Variants in PERM1 observed in about 807,000 individuals in gnomAD.
The protein encoded by PERM1 is PPARGC1 and ESRR induced regulator, muscle 1.
PERM1 carries 45 observed loss-of-function variants against 44.1 expected under a neutral mutation model. The observed-to-expected ratio is 1.02, with a 90% CI of 0.80 to 1.31. The LOEUF is 1.31. PERM1 is among the 50% of genes most tolerant of loss of function. The pLI, the probability that PERM1 is intolerant of heterozygous loss-of-function variation, is 0.00. For synonymous variants in PERM1, 565 were observed against 477.1 expected, an observed-to-expected ratio of 1.18 and a Z score of -2.40; for missense variants, 1,189 against 1,106.9, an observed-to-expected ratio of 1.07 and a Z score of -1.05.
chr1:981,554 C>A (rs2100508541), upstream of PERM1, among the ~76,000 whole-genome samples: 1 of 152,364 alleles, frequency 6.6e-6, no homozygotes. Context: ...CAGCCGGCCA[C>A]AGGAAAGGTT....
intron 1 of PERM1, among the ~76,000 whole-genome samples, chr1:978,263 C>T (rs1019691749): frequency 2.6e-5 from 4 of 151,088 alleles, no homozygotes; most frequent in African/African-American, 9.8e-5. Context: ...ATACATCCAT[C>T]ATGGGACATG....
exon 1 of PERM1, chr1:979,013 C>G: frequency 1.3e-6 from 2 of 1,532,984 alleles, no homozygotes; most frequent in Non-Finnish European, 8.8e-7. Context: ...GGCCCCAGCA[C>G]GCCCTCAAGC....
rs939990852 is a variant in PERM1 at position 976,487 on chromosome 1, A to G, written c.2275+12T>C. On this transcript the variant is annotated intron_variant, in intron 2 of 2. Coordinates refer to ENST00000433179, the Ensembl canonical transcript of PERM1. Reference sequence around the variant, plus strand: ...TCTAGGCGCAGCTCCCTCTGCCCCCAGGCACCCAAACCTGTTTTCCAGGCG... The same window carrying G: ...TCTAGGCGCAGCTCCCTCTGCCCCCGGGCACCCAAACCTGTTTTCCAGGCG... 2 of 1,549,312 alleles carry G rather than the reference A, an allele frequency of 1.3e-6. No homozygotes were observed. Among genetic ancestry groups the G allele is most frequent in the Non-Finnish European group, 8.7e-7 (1 of 1,146,392 alleles).
At chr1:976,170 T>C (rs763618408) in exon 3 of PERM1, 2 of 1,546,306 alleles carry the variant, frequency 1.3e-6, no homozygotes, top group Admixed American at 2.0e-5. Context: ...CGGGCCTGGC[T>C]CCTAGGAGCT....
chr1:979,445 G>T, exon 1 of PERM1: 6 of 1,543,644 alleles, frequency 3.9e-6, no homozygotes, highest in Non-Finnish European at 5.2e-6. Flanking sequence ...GTTGCTGTCT[G>T]GGGGGCTGAG....
upstream of PERM1, among the ~76,000 whole-genome samples, chr1:981,469 T>C (rs1022801706): frequency 2.0e-5 from 3 of 152,226 alleles, no homozygotes; most frequent in East Asian, 1.9e-4. Context: ...GCAAAGCACC[T>C]TTCAGGGTCC....
Position 979,445 on chromosome 1 carries a change from G to A in PERM1, c.1585C>T (p.Gln529Ter). Reference sequence around the variant, plus strand: ...CCCCCGTGGGCCCCAGTTGCTGTCTGGGGGGCTGAGGGCCGGGCTGAGGCC... The same window carrying A: ...CCCCCGTGGGCCCCAGTTGCTGTCTAGGGGGCTGAGGGCCGGGCTGAGGCC... The change falls in exon 1 of 3, where the codon CAG becomes TAG. Residue 529 changes from glutamine (Q) to a stop codon, truncating the protein, a stop_gained. Coordinates refer to ENST00000433179, the Ensembl canonical transcript of PERM1. LOFTEE classifies it high-confidence loss of function. 3 of 1,543,644 alleles carry A rather than the reference G, an allele frequency of 1.9e-6. No homozygotes were observed. Among genetic ancestry groups the A allele is most frequent in the South Asian group, 1.2e-5 (1 of 83,238 alleles).
At chr1:979,134 C>T in exon 1 of PERM1, 2 of 1,550,044 alleles carry the variant, frequency 1.3e-6, no homozygotes, top group Non-Finnish European at 1.7e-6. Context: ...GCTCCGGGGA[C>T]CCCCGCCGCC....
At chr1:980,659 T>TGGCTGGGAG in exon 1 of PERM1, 1 of 1,431,244 alleles carries the variant, frequency 7.0e-7, no homozygotes, top group Non-Finnish European at 9.1e-7. Context: ...GGATGAGAAC[T>TGGCTGGGAG]GGCTGGGAGG....
At chr1:979,712 C>T (rs1006299276) in exon 1 of PERM1, 17 of 1,550,182 alleles carry the variant, frequency 1.1e-5, no homozygotes, top group Middle Eastern at 3.3e-4. Context: ...CCGCTGGACT[C>T]GGTCATCCTC....
At chr1:980,010 G>A (rs1275849579) in exon 1 of PERM1, 1 of 1,548,644 alleles carries the variant, frequency 6.5e-7, no homozygotes, top group African/African-American at 1.4e-5. Context: ...CCATGTCCGT[G>A]TCAGGTTGCG....
intron 2 of PERM1, 53 bp downstream of exon 3, chr1:976,446 G>A: frequency 1.9e-6 from 3 of 1,548,666 alleles, no homozygotes; most frequent in Non-Finnish European, 2.6e-6. Context: ...TCCTGCCAGC[G>A]CCCCTCGGTC....
exon 1 of PERM1, chr1:978,962 A>C (rs1557658619): frequency 3.3e-6 from 5 of 1,507,758 alleles, no homozygotes; most frequent in African/African-American, 1.4e-5. Flanking sequence ...TCGGAGGCCG[A>C]CCGGGGAGGC....
chr1:978,202 C>T (rs1275437526), intron 1 of PERM1, among the ~76,000 whole-genome samples: 1 of 143,882 alleles, frequency 7.0e-6, no homozygotes, highest in Non-Finnish European at 1.5e-5. Flanking sequence ...CACTCTTGGC[C>T]TGGGAACTGC....
chr1:976,524 C>T (rs1643613465), exon 2 of PERM1: 2 of 1,549,540 alleles, frequency 1.3e-6, no homozygotes, highest in East Asian at 4.9e-5. Context: ...CTGGGGTATG[C>T]GGATCTGACG....
At chr1:975,742 C>T (rs987719246) in exon 3 of PERM1, 14 of 172,644 alleles carry the variant, frequency 8.1e-5, no homozygotes, top group Admixed American at 5.8e-4. Flanking sequence ...GCTGCTCAGA[C>T]CCCTCCGAGG....
exon 3 of PERM1, chr1:976,226 G>A (rs1643598333): frequency 1.3e-6 from 2 of 1,538,710 alleles, no homozygotes; most frequent in African/African-American, 1.4e-5. Context: ...CCTGCCGGCG[G>A]AAGTAGCGGA....
chr1:979,147 G>A (rs779857282), exon 1 of PERM1: 29 of 1,549,874 alleles, frequency 1.9e-5, no homozygotes, highest in South Asian at 3.6e-5. Context: ...CCGCCGCCTC[G>A]ACCTCTGGGC....
exon 1 of PERM1, chr1:979,340 G>A: frequency 1.3e-6 from 2 of 1,520,496 alleles, no homozygotes; most frequent in Non-Finnish European, 1.8e-6. Flanking sequence ...ACGGCAGAGG[G>A]AGGGGGGCGA....
Sources: allele counts gnomAD v4.1 joint callset (sites outside exome capture counted in the v4.1 genomes callset), GRCh38; gene constraint gnomAD v4.1.1; transcripts MANE v1.5; gene names NCBI Gene and HGNC (gene_info 2026-07-23, HGNC 2026-07-21).